The following SRGAP3 variants were observed in gnomAD, a reference collection of about 807,000 sequenced individuals.
SRGAP3 encodes SLIT-ROBO Rho GTPase activating protein 3, also known as SLIT-ROBO Rho GTPase-activating protein 3.
Under a neutral mutation model 121.1 loss-of-function variants are expected in SRGAP3, and 39 were observed. The observed-to-expected ratio is 0.32, with a 90% confidence interval of 0.25 to 0.42. SRGAP3 has a LOEUF of 0.42. Among genes scored for constraint, SRGAP3 ranks in the 10% least tolerant of loss-of-function variants. The pLI is 1.00. For synonymous variants in SRGAP3, 601 were observed against 570.0 expected (o/e 1.05, Z -0.77); for missense variants, 1,213 against 1,470.6 (o/e 0.82, Z 2.86).
rs141006106 is a variant in SRGAP3, at chr3:9,348,965, G to C, written n.214+13875C>G. ...TGAAGAAATAGTTCCCCAGATCAAG[G>C]AGGGGAAGCAGGTACTAATTGCAGC... On this transcript the variant is annotated intron_variant and non_coding_transcript_variant, in intron 1 of 3. Transcript: ENST00000490889. 79 of 928,218 alleles carry C rather than the reference G, an allele frequency of 8.5e-5. No homozygotes were observed. The East Asian group carries it at 1.9e-3, about 22-fold the overall frequency. The allele number at this position is 928,218 out of a possible 1,614,324, so 57.5% of individuals were successfully genotyped here. A position where few individuals can be genotyped will look rare whatever the true frequency, so the allele number is the denominator to read the frequency against.
intron 1 of SRGAP3, among the ~76,000 whole-genome samples, chr3:9,199,223 C>T (rs983564666): frequency 2.6e-5 from 4 of 152,220 alleles, no homozygotes; most frequent in African/African-American, 9.6e-5. Context: ...TGCATCAGAG[C>T]ACACTCCCGC....
At chr3:9,068,059 TG>T (rs1488512921) in intron 4 of SRGAP3, among the ~76,000 whole-genome samples, 3 of 152,186 alleles carry the variant, frequency 2.0e-5, no homozygotes, top group Non-Finnish European at 2.9e-5. Context: ...CAGACAACCC[TG>T]GGTTCTTTGC....
At chr3:9,029,079 G>A (rs1944350103) in intron 12 of SRGAP3, among the ~76,000 whole-genome samples, 1 of 152,174 alleles carries the variant, frequency 6.6e-6, no homozygotes, top group African/African-American at 2.4e-5. Context: ...AGCTGGAATT[G>A]TCTGCTACCT....
At chr3:9,148,135 G>T (rs950506497) in intron 1 of SRGAP3, among the ~76,000 whole-genome samples, 1 of 152,138 alleles carries the variant, frequency 6.6e-6, no homozygotes, top group Non-Finnish European at 1.5e-5. Flanking sequence ...TAATCACCAA[G>T]GGCATCAACT....
intron 2 of SRGAP3, among the ~76,000 whole-genome samples, chr3:9,111,709 C>T (rs1055338835): frequency 6.6e-6 from 1 of 152,296 alleles, no homozygotes; most frequent in South Asian, 2.1e-4. Flanking sequence ...AGTGGAACCC[C>T]TTTGACCTGA....
At chr3:9,334,511 A>G (rs1955658331) in intron 1 of SRGAP3, among the ~76,000 whole-genome samples, 1 of 152,196 alleles carries the variant, frequency 6.6e-6, no homozygotes, top group African/African-American at 2.4e-5. Flanking sequence ...AGAAACATCA[A>G]TGGATACTAT....
Position 9,075,262 on chromosome 3 carries a change from A to C in SRGAP3, c.486+4763T>G, listed in dbSNP as rs374197541. ...TGGGAGTTCGAGGGAAAAGAAGTGG[A>C]GTGGGATATATGTGTGCGCACGCTT... On this transcript the variant is annotated intron_variant, in intron 4 of 21. Coordinates refer to ENST00000383836, the MANE Select transcript of SRGAP3 (RefSeq NM_014850.4). Among the ~76,000 whole-genome samples the C allele has an allele frequency of 8.5e-5, 13 of 152,256 alleles. No homozygotes were observed. In the East Asian group the frequency reaches 1.5e-3, roughly 18 times the overall value.
At chr3:9,086,152 C>A (rs1053926478) in intron 3 of SRGAP3, among the ~76,000 whole-genome samples, 1 of 152,194 alleles carries the variant, frequency 6.6e-6, no homozygotes, top group Non-Finnish European at 1.5e-5. Context: ...TCCTGGGGGA[C>A]CCAATCTGCA....
chr3:9,027,540 T>C (rs548552942), intron 12 of SRGAP3, among the ~76,000 whole-genome samples: 1 of 152,230 alleles, frequency 6.6e-6, no homozygotes, highest in Non-Finnish European at 1.5e-5. Flanking sequence ...CCCAGATGCA[T>C]ACTGCATTTA....
chr3:8,986,452 C>T (rs1941713137), intron 21 of SRGAP3, among the ~76,000 whole-genome samples: 1 of 152,156 alleles, frequency 6.6e-6, no homozygotes, highest in Non-Finnish European at 1.5e-5. Flanking sequence ...CCAAACCCTG[C>T]CCCCTAATAA....
In SRGAP3 at chr3:9,350,258, T is replaced by C. The variant is rs539614041; in HGVS notation, n.214+12582A>G. Among the ~76,000 whole-genome samples, 53 of 152,062 alleles carry C rather than the reference T, an allele frequency of 3.5e-4. 1 individual carries two copies. The highest frequency in any genetic ancestry group is 1.3e-3 in the African/African-American group (52 of 41,328). ...GCCAGGCACTTTTCTAAGCAAAGAATATTTTTGTAGAGAACAAAACAGATG... is the reference window on the plus strand; with the variant it reads ...GCCAGGCACTTTTCTAAGCAAAGAACATTTTTGTAGAGAACAAAACAGATG... On this transcript the variant is annotated intron_variant and non_coding_transcript_variant, in intron 1 of 3. Transcript: ENST00000490889.
At chr3:9,204,410 G>A (rs1178017074) in intron 1 of SRGAP3, among the ~76,000 whole-genome samples, 2 of 152,176 alleles carry the variant, frequency 1.3e-5, no homozygotes, top group Admixed American at 6.5e-5. Context: ...GCTCACTCCT[G>A]GGCCTGGGCT....
chr3:9,324,605 G>A (rs1446188840), intron 3 of SRGAP3, among the ~76,000 whole-genome samples: 2 of 151,688 alleles, frequency 1.3e-5, no homozygotes, highest in African/African-American at 4.8e-5. Context: ...CGTTTGTCGG[G>A]GCCTAGTGCA....
chr3:9,303,260 A>C (rs1257703448), intron 3 of SRGAP3, among the ~76,000 whole-genome samples: 2 of 152,068 alleles, frequency 1.3e-5, no homozygotes, highest in Non-Finnish European at 2.9e-5. Flanking sequence ...CCCCATCTCT[A>C]CTAAAAGTAC....
At chr3:9,024,245 G>A (rs1944073902) in intron 14 of SRGAP3, among the ~76,000 whole-genome samples, 1 of 152,192 alleles carries the variant, frequency 6.6e-6, no homozygotes, top group Non-Finnish European at 1.5e-5. Flanking sequence ...AGAAGGCATG[G>A]ACTATGGAGA....
At chr3:9,013,623 C>T in intron 16 of SRGAP3, 88 bp from the exon 17 acceptor site, 1 of 1,557,164 alleles carries the variant, frequency 6.4e-7, no homozygotes, top group Non-Finnish European at 8.8e-7. Context: ...CTATTCAAAT[C>T]CAGGAGGGTT....
intron 4 of SRGAP3, among the ~76,000 whole-genome samples, chr3:9,066,087 C>A (rs891551271): frequency 3.3e-5 from 5 of 152,170 alleles, no homozygotes; most frequent in African/African-American, 1.2e-4. Flanking sequence ...GTGTGAACCA[C>A]CACACCCAGC....
At chr3:9,295,033 T>C (rs1157159041) in intron 3 of SRGAP3, among the ~76,000 whole-genome samples, 1 of 152,142 alleles carries the variant, frequency 6.6e-6, no homozygotes, top group Admixed American at 6.5e-5. Flanking sequence ...CTGGAAAAGA[T>C]GCAAAAAGTG....
At chr3:9,209,957 C>G (rs1170440851) in intron 1 of SRGAP3, among the ~76,000 whole-genome samples, 1 of 151,856 alleles carries the variant, frequency 6.6e-6, no homozygotes, top group African/African-American at 2.4e-5. Flanking sequence ...GAATATTAGT[C>G]AGCAATGAAA....
Sources: gnomAD v4.1 joint callset for allele counts (sites outside exome capture counted in the v4.1 genomes callset) on GRCh38, gnomAD v4.1.1 for gene constraint, MANE v1.5 for transcripts, NCBI Gene and HGNC (gene_info 2026-07-23, HGNC 2026-07-21) for gene names.